ATCAY: variants seen among roughly 807,000 people sequenced by gnomAD.
ATCAY encodes the protein caytaxin.
A neutral mutation model predicts 47.7 loss-of-function variants in ATCAY; 22 were observed. The ratio of observed to expected loss-of-function variants is 0.46; its 90% confidence interval spans 0.33 to 0.66. The LOEUF (loss-of-function observed/expected upper bound fraction) is 0.66, where lower values mean the gene tolerates loss of function less well. ATCAY is among the 30% of genes least tolerant of loss of function. The pLI is 0.02. For missense variants in ATCAY, 452 were observed against 515.0 expected (o/e 0.88, Z 1.18); for synonymous variants, 216 against 207.6 (o/e 1.04, Z -0.35).
intron 2 of ATCAY, among the ~76,000 whole-genome samples, chr19:3,886,068 G>A (rs992645354): frequency 6.6e-6 from 1 of 152,174 alleles, no homozygotes; most frequent in Non-Finnish European, 1.5e-5. Context: ...CACATAATGG[G>A]TATTTGCTCA....
At chr19:3,916,490 T>TTTTGC (rs200107328) in intron 9 of ATCAY, among the ~76,000 whole-genome samples, 29 of 152,266 alleles carry the variant, frequency 1.9e-4, no homozygotes, top group Middle Eastern at 3.4e-3. Context: ...TTTTGTTTTG[T>TTTTGC]TTTGCTTTGC....
chr19:3,905,695 C>T, intron 4 of ATCAY, 40 bp downstream of exon 4: 2 of 1,537,382 alleles, frequency 1.3e-6, no homozygotes, highest in Non-Finnish European at 1.8e-6. Flanking sequence ...TGGAGCCCAC[C>T]CCCCCCACCC....
chr19:3,914,750 G>T (rs1282518766), intron 9 of ATCAY, among the ~76,000 whole-genome samples: 2 of 151,866 alleles, frequency 1.3e-5, no homozygotes, highest in East Asian at 3.9e-4. Context: ...GAACCTGGGA[G>T]GCAGAGGTTG....
chr19:3,889,185 T>G (rs10425080), intron 2 of ATCAY, among the ~76,000 whole-genome samples: 14 of 151,996 alleles, frequency 9.2e-5, no homozygotes, highest in Admixed American at 3.9e-4. Flanking sequence ...AAGCCAAGGC[T>G]GGCAGATCAC....
In ATCAY at chr19:3,926,483, G is replaced by A. The variant is rs2145274330; in HGVS notation, c.*1891G>A. ...TGACCTCTCAGCAAGTGCTATCCAG[G>A]CTGGGCCAACCAGACCCACAATTAA... On this transcript the variant is annotated 3_prime_UTR_variant, in exon 13 of 13. Coordinates refer to ENST00000450849, the MANE Select transcript of ATCAY (RefSeq NM_033064.5). 1 of 152,304 alleles carries A rather than the reference G, an allele frequency of 6.6e-6. No homozygotes were observed. The highest frequency in any genetic ancestry group is 2.1e-4 in the South Asian group (1 of 4,822). 9.4% of individuals were successfully genotyped at this position (152,304 alleles called of 1,614,324 possible). A position where few individuals can be genotyped will look rare whatever the true frequency, so the allele number is the denominator to read the frequency against.
intron 12 of ATCAY, 44 bp from the exon 13 acceptor site, chr19:3,924,539 T>C (rs780657479): frequency 6.2e-7 from 1 of 1,613,368 alleles, no homozygotes; most frequent in African/African-American, 1.3e-5. Context: ...TTTGCACTTT[T>C]AACATTAACA....
intron 8 of ATCAY, among the ~76,000 whole-genome samples, chr19:3,912,559 C>G (rs1256820990): frequency 1.3e-5 from 2 of 152,108 alleles, no homozygotes; most frequent in East Asian, 3.9e-4. Context: ...ATCCGCCTGC[C>G]TTGGCCTCCC....
chr19:3,898,944 T>G (rs1402427204), intron 2 of ATCAY, among the ~76,000 whole-genome samples: 1 of 152,202 alleles, frequency 6.6e-6, no homozygotes. Context: ...CCTCCCAAAG[T>G]GCCAGGATGA....
chr19:3,897,173 G>A (rs892618186), intron 2 of ATCAY, among the ~76,000 whole-genome samples: 3 of 151,930 alleles, frequency 2.0e-5, no homozygotes, highest in African/African-American at 4.8e-5. Context: ...TGGTGCATCA[G>A]CCATCAGCCT....
chr19:3,887,479 T>TTTTATTTA lies in ATCAY; in HGVS notation c.77+1651_77+1658dup, dbSNP rs201407506. On this transcript the variant is annotated intron_variant, in intron 2 of 12. Transcript: ENST00000450849. ...TCTCTATTTTATTTTATTTTTTTTATTTTATTTATTTATTTATTTATTTTT... is the reference window on the plus strand; with the variant it reads ...TCTCTATTTTATTTTATTTTTTTTATTTTATTTATTTATTTATTTATTTATTTATTTTT... 2.7e-5 allele frequency among the ~76,000 whole-genome samples: 4 copies of TTTTATTTA among 147,532 alleles called. No homozygotes were observed. The South Asian group carries it at 9.1e-4, about 34-fold the overall frequency.
chr19:3,910,056 T>G (rs544917403), intron 7 of ATCAY, among the ~76,000 whole-genome samples: 4 of 152,112 alleles, frequency 2.6e-5, no homozygotes, highest in African/African-American at 7.2e-5. Flanking sequence ...GCCACTGCAC[T>G]TCAGCCTGGG....
intron 2 of ATCAY, among the ~76,000 whole-genome samples, chr19:3,892,735 C>T (rs1176777536): frequency 2.6e-5 from 4 of 151,988 alleles, no homozygotes; most frequent in Admixed American, 2.0e-4. Context: ...TGGTGAAACC[C>T]CGTCTCTACT....
chr19:3,920,752 T>C lies in ATCAY; in HGVS notation c.1074-14T>C, dbSNP rs10420591. ...ATAAGCAAATAACGCCCAGTCTCCGTCTCTCCTCCACAGGTCTGCTCTGGT... is the reference window on the plus strand; with the variant it reads ...ATAAGCAAATAACGCCCAGTCTCCGCCTCTCCTCCACAGGTCTGCTCTGGT... On this transcript the variant is annotated splice_polypyrimidine_tract_variant and intron_variant, in intron 11 of 12. Transcript: ENST00000450849. 0.13 allele frequency: 203,443 copies of C among 1,598,460 alleles called. 14,532 individuals carry two copies. The highest frequency in any genetic ancestry group is 0.24 in the African/African-American group (18,104 of 74,720).
At chr19:3,890,323 C>A (rs79874466) in intron 2 of ATCAY, among the ~76,000 whole-genome samples, 1 of 129,510 alleles carries the variant, frequency 7.7e-6, no homozygotes. Context: ...AGTGCAGTGG[C>A]GCGAGTTCGG....
intron 9 of ATCAY, among the ~76,000 whole-genome samples, chr19:3,914,109 G>T (rs553420434): frequency 6.6e-6 from 1 of 151,738 alleles, no homozygotes; most frequent in East Asian, 1.9e-4. Context: ...GGTGGCGGGC[G>T]CCTGTAGTCC....
rs532226558 is a variant in ATCAY, at chr19:3,887,295, CAA to C, written c.77+1463_77+1464del. Among the ~76,000 whole-genome samples, 195 of 138,666 alleles carry C rather than the reference CAA, an allele frequency of 1.4e-3. 1 individual carries two copies. Among genetic ancestry groups the C allele is most frequent in the African/African-American group, 4.8e-3 (183 of 38,408 alleles). The allele number at this position is 138,666 out of a possible 152,430, so 91.0% of individuals were successfully genotyped here. ...CAAGATAGTGAGACCCCATTTCTACCAAAAAAAAAAAAATTAGCTGGGCATGG... is the reference window on the plus strand; with the variant it reads ...CAAGATAGTGAGACCCCATTTCTACCAAAAAAAAAAATTAGCTGGGCATGG... On this transcript the variant is annotated intron_variant, in intron 2 of 12. Transcript: ENST00000450849.
intron 4 of ATCAY, among the ~76,000 whole-genome samples, chr19:3,906,039 C>T (rs372773397): frequency 2.4e-4 from 36 of 151,576 alleles, no homozygotes; most frequent in Admixed American, 9.2e-4. Flanking sequence ...GGCATGGTGG[C>T]GGGCACCTGA....
At position 3,906,711 on chromosome 19, in the gene ATCAY, C is replaced by T. The variant is rs554133877; in HGVS notation, c.359-1023C>T. On this transcript the variant is annotated intron_variant, in intron 4 of 12. Coordinates refer to ENST00000450849, the MANE Select transcript of ATCAY (RefSeq NM_033064.5). ...GACCAAGATCCCAACAAACTGCCCT[C>T]GATGTATGCAACAAATACTTTTTGA... 2.0e-4 allele frequency among the ~76,000 whole-genome samples: 31 copies of T among 152,222 alleles called. No individual in the cohort carries two copies. In the South Asian group the frequency reaches 6.2e-3, roughly 31 times the overall value.
intron 9 of ATCAY, among the ~76,000 whole-genome samples, chr19:3,915,164 T>A (rs912535623): frequency 1.2e-4 from 19 of 152,106 alleles, no homozygotes; most frequent in African/African-American, 3.9e-4. Context: ...ATTCCTTTTT[T>A]AATTTTATTT....
Sources: allele counts gnomAD v4.1 joint callset (sites outside exome capture counted in the v4.1 genomes callset), GRCh38; gene constraint gnomAD v4.1.1; transcripts MANE v1.5; gene names NCBI Gene and HGNC (gene_info 2026-07-23, HGNC 2026-07-21).